SLIT3: variants seen among roughly 807,000 people sequenced by gnomAD.
SLIT3 encodes slit guidance ligand 3.
SLIT3 carries 68 observed loss-of-function variants against 184.0 expected under a neutral mutation model. The ratio of observed to expected loss-of-function variants is 0.37; its 90% CI spans 0.30 to 0.45. The LOEUF (loss-of-function observed/expected upper bound fraction) is 0.45, where lower values mean the gene tolerates loss of function less well. SLIT3 is among the 20% of genes least tolerant of loss of function. The pLI is 1.00. For synonymous variants in SLIT3, 831 were observed against 828.6 expected, an observed-to-expected ratio of 1.00 and a Z score of -0.05; for missense variants, 1,707 against 2,026.0, an observed-to-expected ratio of 0.84 and a Z score of 3.02.
Position 168,673,309 on chromosome 5 carries a change from G to A in SLIT3, c.3709C>T (p.Gln1237Ter), listed in dbSNP as rs1316370086. 6.2e-7 allele frequency: 1 copy of A among 1,614,070 alleles called. No homozygotes were observed. Among genetic ancestry groups the A allele is most frequent in the Admixed American group, 1.7e-5 (1 of 59,994 alleles). ...VYSVETVNDGQFHSVELVTLN... is the reference protein window; with the variant it reads ...VYSVETVNDG ...GTCACCAGCTCCACACTGTGAAACT[G>A]CCCATCATTCACTGTCTCCACACTG... The change falls in exon 33 of 36, where the codon CAG becomes TAG. Residue 1237 changes from glutamine (Q) to a stop codon, truncating the protein, a stop_gained. Coordinates refer to ENST00000519560, the MANE Select transcript of SLIT3 (RefSeq NM_003062.4). LOFTEE classifies it high-confidence loss of function.
intron 1 of SLIT3, chr5:169,263,512 T>C: frequency 2.5e-6 from 1 of 407,768 alleles, no homozygotes; most frequent in Non-Finnish European, 4.8e-6. Flanking sequence ...AGAAGGAGCC[T>C]GGCCCTGATG....
chr5:169,286,966 C>T (rs530594661), intron 1 of SLIT3, among the ~76,000 whole-genome samples: 4 of 152,186 alleles, frequency 2.6e-5, no homozygotes, highest in Non-Finnish European at 5.9e-5. Context: ...CAGGAAAGAA[C>T]CCAGAGGAGA....
chr5:168,714,974 G>C (rs1219270870), intron 23 of SLIT3, among the ~76,000 whole-genome samples: 1 of 152,190 alleles, frequency 6.6e-6, no homozygotes, highest in Non-Finnish European at 1.5e-5. Flanking sequence ...TGGGCTGCGC[G>C]AACCTTGGGT....
At chr5:168,727,287 T>G (rs1169901327) in intron 20 of SLIT3, among the ~76,000 whole-genome samples, 5 of 151,946 alleles carry the variant, frequency 3.3e-5, no homozygotes, top group African/African-American at 4.8e-5. Context: ...GCCACTGCAC[T>G]CTAGCCTGGG....
intron 1 of SLIT3, among the ~76,000 whole-genome samples, chr5:169,255,407 C>A (rs1184467512): frequency 3.9e-5 from 6 of 152,084 alleles, no homozygotes; most frequent in Non-Finnish European, 7.3e-5. Flanking sequence ...ATGATCCTGA[C>A]CCTGTGTAGA....
intron 4 of SLIT3, among the ~76,000 whole-genome samples, chr5:169,083,306 CAA>C (rs2113169252): frequency 6.6e-6 from 1 of 151,010 alleles, no homozygotes; most frequent in African/African-American, 2.5e-5. Context: ...GAGAGTCATA[CAA>C]AAAGACTCTA....
intron 4 of SLIT3, among the ~76,000 whole-genome samples, chr5:168,902,600 T>C (rs891968216): frequency 6.6e-6 from 1 of 152,230 alleles, no homozygotes; most frequent in East Asian, 1.9e-4. Flanking sequence ...AGCATTTGTA[T>C]CATCTGGGAA....
chr5:169,124,419 T>C (rs1290250143), intron 4 of SLIT3, among the ~76,000 whole-genome samples: 1 of 152,086 alleles, frequency 6.6e-6, no homozygotes, highest in Non-Finnish European at 1.5e-5. Flanking sequence ...TTGGGGAAAA[T>C]TGGAAAAGAG....
chr5:169,206,890 C>G (rs1050549460), intron 3 of SLIT3, among the ~76,000 whole-genome samples: 1 of 151,932 alleles, frequency 6.6e-6, no homozygotes, highest in African/African-American at 2.4e-5. Flanking sequence ...GATTCAGGTC[C>G]AAGGTTTTTT....
At chr5:169,098,623 C>G (rs1759881574) in intron 4 of SLIT3, among the ~76,000 whole-genome samples, 2 of 152,176 alleles carry the variant, frequency 1.3e-5, no homozygotes, top group South Asian at 4.1e-4. Flanking sequence ...CAAACACACA[C>G]AAGAGCAAAA....
intron 12 of SLIT3, among the ~76,000 whole-genome samples, chr5:168,782,919 C>G (rs1756024358): frequency 6.6e-6 from 1 of 152,162 alleles, no homozygotes; most frequent in Non-Finnish European, 1.5e-5. Flanking sequence ...GGGAGACATA[C>G]TAGCTATTTT....
intron 4 of SLIT3, among the ~76,000 whole-genome samples, chr5:168,955,285 G>T (rs1336639882): frequency 2.6e-5 from 4 of 152,198 alleles, no homozygotes; most frequent in Non-Finnish European, 5.9e-5. Context: ...TTTTTGAAAA[G>T]AAAATTATTT....
chr5:169,183,062 TA>T lies in SLIT3; in HGVS notation c.413+10416del, dbSNP rs549349393. 2.7e-3 allele frequency among the ~76,000 whole-genome samples: 411 copies of T among 152,266 alleles called. 2 individuals carry two copies. Among genetic ancestry groups the T allele is most frequent in the African/African-American group, 9.5e-3 (396 of 41,552 alleles). ...AGCGAGGTGGCAAGAAGCCCACACT[TA>T]TACCCTCCGGGCTCAGGTTAGACAT... On this transcript the variant is annotated intron_variant, in intron 4 of 35. Transcript: ENST00000519560.
At chr5:169,037,313 G>A (rs1757289633) in intron 4 of SLIT3, among the ~76,000 whole-genome samples, 1 of 152,194 alleles carries the variant, frequency 6.6e-6, no homozygotes, top group Non-Finnish European at 1.5e-5. Flanking sequence ...AGCAGCTCCT[G>A]GTAGACTAGG....
chr5:168,798,418 G>A lies in SLIT3; in HGVS notation c.936-2840C>T, dbSNP rs907660576. Among the ~76,000 whole-genome samples the A allele has an allele frequency of 7.2e-5, 11 of 151,992 alleles. No homozygotes were observed. The South Asian group carries it at 1.9e-3, about 26-fold the overall frequency. ...TTTAACTTCTATTTTTGTAGAGAGA[G>A]GGGTCTCACTATGTTGGCCAGGCTT... is the stretch of plus-strand genomic sequence containing the variant. On this transcript the variant is annotated intron_variant, in intron 9 of 35. Coordinates refer to ENST00000519560, the MANE Select transcript of SLIT3 (RefSeq NM_003062.4).
intron 4 of SLIT3, among the ~76,000 whole-genome samples, chr5:169,052,143 T>C (rs949889466): frequency 1.3e-5 from 2 of 151,696 alleles, no homozygotes; most frequent in Admixed American, 1.3e-4. Context: ...GGAGCTCATA[T>C]ACCCCCATCC....
intron 3 of SLIT3, among the ~76,000 whole-genome samples, chr5:169,210,666 T>G (rs1305140122): frequency 6.6e-6 from 1 of 151,968 alleles, no homozygotes; most frequent in East Asian, 1.9e-4. Flanking sequence ...CAAAGACCGT[T>G]GTGTGAGTCA....
At chr5:169,150,977 A>G (rs1198072500) in intron 4 of SLIT3, among the ~76,000 whole-genome samples, 1 of 152,168 alleles carries the variant, frequency 6.6e-6, no homozygotes, top group Non-Finnish European at 1.5e-5. Context: ...TGACCCTAAG[A>G]AAGAGGGTCC....
At chr5:169,075,956 CT>C (rs1275132837) in intron 4 of SLIT3, among the ~76,000 whole-genome samples, 3 of 152,194 alleles carry the variant, frequency 2.0e-5, no homozygotes, top group Non-Finnish European at 4.4e-5. Context: ...GAATCTACAT[CT>C]TGGGGAGGGG....
Sources: gnomAD v4.1 joint callset for allele counts (sites outside exome capture counted in the v4.1 genomes callset) on GRCh38, gnomAD v4.1.1 for gene constraint, MANE v1.5 for transcripts, NCBI Gene and HGNC (gene_info 2026-07-23, HGNC 2026-07-21) for gene names.